The following LENG8 variants were observed in gnomAD, a reference collection of about 807,000 sequenced individuals.
LENG8 encodes the protein leukocyte receptor cluster member 8.
In LENG8, 28 loss-of-function variants were observed where a neutral mutation model predicts 102.1. The observed-to-expected ratio is 0.27, with a 90% CI of 0.20 to 0.38. The LOEUF is 0.38. Among genes scored for constraint, LENG8 ranks in the 10% least tolerant of loss-of-function variants. The probability of loss-of-function intolerance (pLI) is 1.00; values close to 1 mark genes in which losing one functional copy is unlikely to be tolerated. For synonymous variants in LENG8, 531 were observed against 456.7 expected, an observed-to-expected ratio of 1.16 and a Z score of -2.07; for missense variants, 1,022 against 1,113.9, an observed-to-expected ratio of 0.92 and a Z score of 1.17.
At position 54,456,885 on chromosome 19, in the gene LENG8, C is replaced by T. The variant is rs751075104; in HGVS notation, c.1695C>T (p.Thr565=). The T allele has an allele frequency of 4.3e-6, 7 of 1,609,658 alleles. No individual in the cohort carries two copies. Among genetic ancestry groups the T allele is most frequent in the South Asian group, 1.1e-5 (1 of 90,982 alleles). The change falls in exon 11 of 16, where the codon ACC becomes ACT. Residue 565 remains threonine (T), a synonymous_variant. Transcript: ENST00000326764. ...TCACCAAGCACTACCTGCGCCTCAC[C>T]TGTGCCCCCGACCCGTCCACCGTGC... ...PDITKHYLRL[T]CAPDPSTVRP...
chr19:54,459,791 G>A (rs2084436528), intron 15 of LENG8: 1 of 1,116,378 alleles, frequency 9.0e-7, no homozygotes, highest in Non-Finnish European at 1.1e-6. Flanking sequence ...AGACGAGGAT[G>A]TGGGGTGCCG....
At chr19:54,454,794 G>A in intron 6 of LENG8, 112 bp downstream of exon 6, 1 of 1,432,396 alleles carries the variant, frequency 7.0e-7, no homozygotes, top group Non-Finnish European at 9.4e-7. Flanking sequence ...GTGATCGCCA[G>A]GCTGGGGGTG....
rs561046486 is a variant in LENG8, at chr19:54,454,603, G to A, written c.600G>A (p.Thr200=). The change falls in exon 6 of 16, where the codon ACG becomes ACA. Residue 200 remains threonine, a synonymous_variant. Coordinates refer to ENST00000326764, the MANE Select transcript of LENG8 (RefSeq NM_052925.4). ...ATQHSQAGPA[T]GQAYGPHTYT... ...AGCACAGCCAGGCGGGGCCCGCCAC[G>A]GGCCAGGCCTATGGGCCACACACCT... The A allele has an allele frequency of 1.2e-5, 20 of 1,610,572 alleles. No individual in the cohort carries two copies. The highest frequency in any genetic ancestry group is 7.7e-5 in the South Asian group (7 of 90,838).
At chr19:54,453,509 G>T (rs1400212912) in intron 4 of LENG8, 37 bp from the exon 5 acceptor site, 1 of 1,422,854 alleles carries the variant, frequency 7.0e-7, no homozygotes. Context: ...GAAAGGGTAG[G>T]CCTCCCACTA....
At position 54,453,609 on chromosome 19, in the gene LENG8, A is replaced by G. The variant is rs2084068784; in HGVS notation, c.379A>G (p.Thr127Ala). Reference sequence around the variant, plus strand: ...GATGGCCGGCTCCTATGGCTCAGCCACACCCCAGCAGCCATCCGCACCCCA... The same window carrying G: ...GATGGCCGGCTCCTATGGCTCAGCCGCACCCCAGCAGCCATCCGCACCCCA... ...YGMAGSYGSA[T>A]PQQPSAPQHQ... Residue 127 changes from threonine to alanine, a missense_variant, in exon 5 of 16, where the codon ACA becomes GCA. Physicochemically the swap from Thr to Ala is moderately conservative, Grantham distance 58. Coordinates refer to ENST00000326764, the MANE Select transcript of LENG8 (RefSeq NM_052925.4). 1.2e-6 allele frequency: 2 copies of G among 1,613,964 alleles called. No individual in the cohort carries two copies. The highest frequency in any genetic ancestry group is 1.7e-6 in the Non-Finnish European group (2 of 1,179,998).
At chr19:54,458,079 T>G (rs371107553) in intron 13 of LENG8, 24 bp from the exon 14 acceptor site, 1 of 1,612,142 alleles carries the variant, frequency 6.2e-7, no homozygotes, top group African/African-American at 1.3e-5. Flanking sequence ...TCTGCTCTCC[T>G]CCCTCGGTGC....
intron 15 of LENG8, chr19:54,460,217 C>T (rs2084460496): frequency 1.6e-6 from 2 of 1,289,098 alleles, no homozygotes; most frequent in Non-Finnish European, 2.0e-6. Flanking sequence ...AGGGCTGCAC[C>T]CTGTGGAAGA....
At chr19:54,455,263 T>G in intron 7 of LENG8, 101 bp from the exon 8 acceptor site, 1 of 1,510,632 alleles carries the variant, frequency 6.6e-7, no homozygotes, top group Non-Finnish European at 9.2e-7. Context: ...GAAGGAAAAC[T>G]TGGGGACTGC....
chr19:54,458,740 C>G (rs1459902394), intron 15 of LENG8: 1 of 1,551,220 alleles, frequency 6.4e-7, no homozygotes, highest in Non-Finnish European at 8.7e-7. Flanking sequence ...TCTCCCTCTC[C>G]CCACTGTTCC....
intron 8 of LENG8, 69 bp downstream of exon 8, chr19:54,455,636 G>T: frequency 7.3e-7 from 1 of 1,367,598 alleles, no homozygotes. Flanking sequence ...TATGGAGGTA[G>T]GAGAGTTGCG....
chr19:54,460,589 C>A, intron 15 of LENG8, 177 bp from the exon 16 acceptor site: 1 of 1,413,942 alleles, frequency 7.1e-7, no homozygotes, highest in East Asian at 2.6e-5. Flanking sequence ...TCACTAACCC[C>A]CCCCGGGCCC....
At chr19:54,460,693 C>A (rs975480141) in intron 15 of LENG8, 73 bp from the exon 16 acceptor site, 12 of 1,447,194 alleles carry the variant, frequency 8.3e-6, no homozygotes, top group South Asian at 2.9e-5. Flanking sequence ...AATGGGGGGG[C>A]CTCCCCGCTC....
At chr19:54,453,731 G>A in intron 5 of LENG8, 75 bp downstream of exon 5, 1 of 1,056,750 alleles carries the variant, frequency 9.5e-7, no homozygotes, top group Non-Finnish European at 1.4e-6. Flanking sequence ...TGTCAATGAG[G>A]AATGGCTTGT....
chr19:54,455,862 G>T, intron 8 of LENG8, 105 bp from the exon 9 acceptor site: 1 of 1,267,424 alleles, frequency 7.9e-7, no homozygotes, highest in Non-Finnish European at 1.1e-6. Context: ...CCTGGGGTAA[G>T]TGCCTTTCCT....
At chr19:54,449,934 C>T (rs2083877080) in intron 1 of LENG8, among the ~76,000 whole-genome samples, 1 of 152,186 alleles carries the variant, frequency 6.6e-6, no homozygotes, top group Non-Finnish European at 1.5e-5. Flanking sequence ...TTAAGTTAAG[C>T]CTTTGCGTTT....
At position 54,456,048 on chromosome 19, in the gene LENG8, A is replaced by G. The variant is rs769527992; in HGVS notation, c.1107A>G (p.Ala369=). The change falls in exon 9 of 16, where the codon GCA becomes GCG. Residue 369 remains alanine, a synonymous_variant. Coordinates refer to ENST00000326764, the MANE Select transcript of LENG8 (RefSeq NM_052925.4). ...AASSLHPPRG[A]GSATRGGGAP... is the part of the protein sequence containing the mutation. ...GCAGCCTTCACCCTCCTAGAGGGGC[A>G]GGCTCGGCGACAAGGGGCGGGGGTG... The G allele has an allele frequency of 6.2e-7, 1 of 1,611,946 alleles. No individual in the cohort carries two copies.
intron 3 of LENG8, 143 bp from the exon 4 acceptor site, chr19:54,452,508 G>A (rs947001326): frequency 1.3e-6 from 1 of 751,458 alleles, no homozygotes; most frequent in Non-Finnish European, 2.3e-6. Flanking sequence ...GAGTCTCATG[G>A]TAGAGACAGT....
At position 54,460,868 on chromosome 19, in the gene LENG8, G is replaced by A. The variant is rs753999168; in HGVS notation, c.2343G>A (p.Thr781=). ...AFLEPLGLAY[T]GPDNSSIDCR... ...TAGAGCCCCTGGGCCTGGCCTACACGGGCCCGGACAACTCCAGCATCGACT... is the reference window on the plus strand; with the variant it reads ...TAGAGCCCCTGGGCCTGGCCTACACAGGCCCGGACAACTCCAGCATCGACT... The change falls in exon 16 of 16, where the codon ACG becomes ACA. Residue 781 remains threonine (T), a synonymous_variant. Transcript: ENST00000326764. The A allele has an allele frequency of 7.9e-5, 123 of 1,562,860 alleles. No homozygotes were observed. Among genetic ancestry groups the A allele is most frequent in the Non-Finnish European group, 8.9e-5 (103 of 1,155,134 alleles).
At chr19:54,456,996 G>A in intron 11 of LENG8, 75 bp downstream of exon 11, 2 of 1,458,030 alleles carry the variant, frequency 1.4e-6, no homozygotes, top group Non-Finnish European at 1.8e-6. Flanking sequence ...CCCAGGGAGG[G>A]TGGCAGAGGC....
Sources: allele counts gnomAD v4.1 joint callset (sites outside exome capture counted in the v4.1 genomes callset), GRCh38; gene constraint gnomAD v4.1.1; transcripts MANE v1.5; gene names NCBI Gene and HGNC (gene_info 2026-07-23, HGNC 2026-07-21).